Variants in NAV3 observed in about 807,000 individuals in gnomAD.
NAV3 encodes the protein pore membrane and/or filament interacting like protein 1.
In NAV3, 87 loss-of-function variants were observed where a neutral mutation model predicts 244.7. That is an observed-to-expected ratio of 0.36 (90% CI 0.30 to 0.42). The LOEUF is 0.42. NAV3 is among the 20% of genes least tolerant of loss of function. The pLI is 1.00. For synonymous variants in NAV3, 1,126 were observed against 1,042.2 expected (o/e 1.08, Z -1.55); for missense variants, 2,663 against 2,893.3 (o/e 0.92, Z 1.83).
chr12:78,175,256 C>A, intron 24 of NAV3, 50 bp from the exon 25 acceptor site: 2 of 1,592,252 alleles, frequency 1.3e-6, no homozygotes, highest in Non-Finnish European at 1.7e-6. Context: ...CTTATTTGTT[C>A]AGATCGAGAC....
intron 2 of NAV3, among the ~76,000 whole-genome samples, chr12:77,804,267 T>G (rs1424202867): frequency 6.6e-6 from 1 of 152,122 alleles, no homozygotes; most frequent in Non-Finnish European, 1.5e-5. Context: ...TCTTCTAGGG[T>G]TTTTATCGTT....
intron 1 of NAV3, among the ~76,000 whole-genome samples, chr12:77,845,297 T>C (rs1408120493): frequency 2.6e-5 from 4 of 152,186 alleles, no homozygotes; most frequent in East Asian, 1.9e-4. Context: ...TGTGCTTAGA[T>C]TGGGGCTCAG....
intron 2 of NAV3, among the ~76,000 whole-genome samples, chr12:77,709,793 G>A (rs1190889037): frequency 1.3e-5 from 2 of 152,078 alleles, no homozygotes; most frequent in African/African-American, 4.8e-5. Context: ...TGTATTTCCA[G>A]CAATTAACAT....
At chr12:77,699,323 T>C (rs1416176877) in intron 2 of NAV3, among the ~76,000 whole-genome samples, 1 of 152,192 alleles carries the variant, frequency 6.6e-6, no homozygotes, top group East Asian at 1.9e-4. Flanking sequence ...CTATTCCTAC[T>C]GTAGTATTCT....
At position 78,068,188 on chromosome 12, in the gene NAV3, C is replaced by T. The variant is rs140021922; in HGVS notation, c.2636+9073C>T. Among the ~76,000 whole-genome samples the T allele has an allele frequency of 5.1e-4, 77 of 151,900 alleles. 1 individual carries two copies. Among genetic ancestry groups the T allele is most frequent in the African/African-American group, 1.8e-3 (74 of 41,472 alleles). The stretch of plus-strand genomic sequence containing the variant: ...CCCTATAAAGTAGGTTTTATTACTA[C>T]CATTGAGGCAAATAATTCTTACATC... On this transcript the variant is annotated intron_variant, in intron 12 of 39. Transcript: ENST00000397909.
upstream of NAV3, among the ~76,000 whole-genome samples, chr12:77,826,567 C>T (rs760347046): frequency 3.3e-5 from 5 of 151,990 alleles, no homozygotes; most frequent in East Asian, 1.9e-4. Context: ...AATGCATAAA[C>T]GAATTGTGCC....
chr12:77,658,278 A>G (rs1204461923), intron 2 of NAV3, among the ~76,000 whole-genome samples: 28 of 152,108 alleles, frequency 1.8e-4, no homozygotes, highest in South Asian at 6.2e-4. Context: ...TACAAACTCA[A>G]TGTACAAAAA....
chr12:77,741,324 TTATTATAAA>T (rs1868332502), intron 2 of NAV3, among the ~76,000 whole-genome samples: 1 of 152,100 alleles, frequency 6.6e-6, no homozygotes, highest in Non-Finnish European at 1.5e-5. Context: ...CTACATGTTA[TTATTATAAA>T]TATGATAGTC....
At chr12:77,901,843 C>A (rs1885336510) in intron 1 of NAV3, among the ~76,000 whole-genome samples, 1 of 152,176 alleles carries the variant, frequency 6.6e-6, no homozygotes. Context: ...TCATTAGTTT[C>A]TGTTTGGAGT....
intron 1 of NAV3, among the ~76,000 whole-genome samples, chr12:77,850,076 C>T (rs1877279108): frequency 6.6e-6 from 1 of 152,112 alleles, no homozygotes; most frequent in African/African-American, 2.4e-5. Flanking sequence ...AATAAACCTG[C>T]TTAGAAAAAT....
chr12:78,092,445 T>C (rs73143946), intron 12 of NAV3, among the ~76,000 whole-genome samples: 1 of 150,080 alleles, frequency 6.7e-6, no homozygotes, highest in Non-Finnish European at 1.5e-5. Context: ...ATTTTTCTAA[T>C]ACCAGAAAGA....
rs77224417 is a variant in NAV3, at chr12:78,136,048, G to A, written c.4442-1129G>A. Among the ~76,000 whole-genome samples the A allele has an allele frequency of 9.1e-3, 1,391 of 152,152 alleles. 11 individuals carry two copies. The highest frequency in any genetic ancestry group is 0.031 in the African/African-American group (1,299 of 41,508). On this transcript the variant is annotated intron_variant, in intron 18 of 39. Transcript: ENST00000397909. ...TTCCAAATGTGAGATACTTCTCTCCGGTTACCTCTGGGTTTACTTTTCCTG... is the reference window on the plus strand; with the variant it reads ...TTCCAAATGTGAGATACTTCTCTCCAGTTACCTCTGGGTTTACTTTTCCTG...
At chr12:78,208,166 G>A (rs985820871) in intron 39 of NAV3, among the ~76,000 whole-genome samples, 2 of 152,128 alleles carry the variant, frequency 1.3e-5, no homozygotes, top group Admixed American at 6.6e-5. Flanking sequence ...GGTGGAAAGT[G>A]GAAGAGGAGT....
At chr12:78,100,651 C>G (rs1391269377) in intron 12 of NAV3, among the ~76,000 whole-genome samples, 1 of 152,002 alleles carries the variant, frequency 6.6e-6, no homozygotes, top group African/African-American at 2.4e-5. Context: ...CTGCTCAATA[C>G]TATCTGATTT....
chr12:77,611,229 A>G (rs1278278151), intron 2 of NAV3, among the ~76,000 whole-genome samples: 1 of 151,954 alleles, frequency 6.6e-6, no homozygotes, highest in African/African-American at 2.4e-5. Context: ...CCATCCTGAC[A>G]AGCAATTTTG....
chr12:78,185,413 G>C (rs1431273395), intron 30 of NAV3, among the ~76,000 whole-genome samples, 188 bp from the exon 31 acceptor site: 1 of 151,734 alleles, frequency 6.6e-6, no homozygotes, highest in African/African-American at 2.4e-5. Flanking sequence ...TAAATTCTTA[G>C]ATTGAAACTT....
intron 2 of NAV3, among the ~76,000 whole-genome samples, chr12:77,622,766 G>A (rs931803425): frequency 6.6e-6 from 1 of 151,990 alleles, no homozygotes; most frequent in Admixed American, 6.6e-5. Flanking sequence ...TTGATATAGA[G>A]AATTTATGAA....
chr12:78,127,312 T>C (rs1486012997), intron 17 of NAV3, 104 bp downstream of exon 17: 4 of 1,150,274 alleles, frequency 3.5e-6, no homozygotes, highest in Non-Finnish European at 5.1e-6. Flanking sequence ...CACATGACAT[T>C]GAGGACGAAA....
chr12:78,068,848 T>C (rs1257033030), intron 12 of NAV3, among the ~76,000 whole-genome samples: 1 of 151,770 alleles, frequency 6.6e-6, no homozygotes, highest in African/African-American at 2.4e-5. Flanking sequence ...TTGGTCCTTT[T>C]ATATTACATG....
Sources: allele counts gnomAD v4.1 joint callset (sites outside exome capture counted in the v4.1 genomes callset), GRCh38; gene constraint gnomAD v4.1.1; transcripts MANE v1.5; gene names NCBI Gene and HGNC (gene_info 2026-07-23, HGNC 2026-07-21).